The following EDIL3 variants were observed in gnomAD, a reference collection of about 807,000 sequenced individuals.
EDIL3 encodes the protein EGF like and discoidin domains 3.
EDIL3 carries 37 observed loss-of-function variants against 67.4 expected under a neutral mutation model. The observed-to-expected ratio is 0.55, with a 90% CI of 0.42 to 0.72. The LOEUF (loss-of-function observed/expected upper bound fraction) is 0.72. Ranked by LOEUF, EDIL3 falls within the 30% of genes least tolerant of loss-of-function variation. The pLI, the probability that EDIL3 is intolerant of heterozygous loss-of-function variation, is 0.00. For synonymous variants in EDIL3, 195 were observed against 196.3 expected, an observed-to-expected ratio of 0.99 and a Z score of 0.05; for missense variants, 527 against 586.3, an observed-to-expected ratio of 0.90 and a Z score of 1.04.
chr5:84,034,070 A>C (rs1745974967), intron 9 of EDIL3, among the ~76,000 whole-genome samples: 1 of 152,310 alleles, frequency 6.6e-6, no homozygotes. Flanking sequence ...TGTAATTAGA[A>C]GACCAAAATT....
chr5:84,060,625 A>G, intron 8 of EDIL3, 141 bp from the exon 9 acceptor site: 1 of 893,722 alleles, frequency 1.1e-6, no homozygotes, highest in Non-Finnish European at 1.6e-6. Context: ...TCCAAAAAAA[A>G]GCTATAATCA....
At chr5:84,379,591 T>C (rs1015905609) in intron 1 of EDIL3, among the ~76,000 whole-genome samples, 1 of 152,144 alleles carries the variant, frequency 6.6e-6, no homozygotes, top group Non-Finnish European at 1.5e-5. Flanking sequence ...AATCGTGGTA[T>C]AAATTTCATT....
At chr5:84,146,513 C>T (rs1019582187) in intron 4 of EDIL3, among the ~76,000 whole-genome samples, 17 of 152,060 alleles carry the variant, frequency 1.1e-4, no homozygotes, top group Admixed American at 8.5e-4. Flanking sequence ...TTGATAATAA[C>T]CTAATATTGG....
intron 2 of EDIL3, among the ~76,000 whole-genome samples, chr5:84,244,736 G>T (rs1220773783): frequency 6.6e-6 from 1 of 152,070 alleles, no homozygotes; most frequent in Non-Finnish European, 1.5e-5. Context: ...CTTACCCTAA[G>T]CTTTCTTTGT....
chr5:84,331,557 T>C (rs1241246525), intron 1 of EDIL3, among the ~76,000 whole-genome samples: 2 of 152,178 alleles, frequency 1.3e-5, no homozygotes, highest in Non-Finnish European at 1.5e-5. Context: ...ATGTTTGCTT[T>C]CCCTTCCATC....
At chr5:84,085,625 G>A (rs1305073612) in intron 6 of EDIL3, among the ~76,000 whole-genome samples, 4 of 152,188 alleles carry the variant, frequency 2.6e-5, no homozygotes, top group African/African-American at 9.6e-5. Flanking sequence ...CCCCTGTTGG[G>A]AGGTCTCTCC....
At chr5:84,249,381 A>T (rs751507136) in intron 2 of EDIL3, among the ~76,000 whole-genome samples, 33 of 13,590 alleles carry the variant, frequency 2.4e-3, no homozygotes, top group Non-Finnish European at 3.6e-3. Context: ...ATATCTTTCT[A>T]TCTATCTATC....
At chr5:84,317,513 C>T (rs181375071) in intron 1 of EDIL3, among the ~76,000 whole-genome samples, 6 of 152,080 alleles carry the variant, frequency 3.9e-5, no homozygotes, top group East Asian at 3.9e-4. Flanking sequence ...ATAAATTCCT[C>T]GACACATACA....
intron 9 of EDIL3, among the ~76,000 whole-genome samples, chr5:84,054,687 G>C (rs368120635): frequency 2.0e-5 from 3 of 151,908 alleles, no homozygotes; most frequent in Admixed American, 6.6e-5. Context: ...AGAGCCAAAT[G>C]ATGAGTGAAC....
chr5:84,315,512 C>A (rs1330735378), intron 1 of EDIL3, among the ~76,000 whole-genome samples: 1 of 152,066 alleles, frequency 6.6e-6, no homozygotes, highest in Non-Finnish European at 1.5e-5. Flanking sequence ...AGATTTAACA[C>A]CTCATTGATT....
At chr5:84,048,340 G>A in intron 9 of EDIL3, 1 of 344,630 alleles carries the variant, frequency 2.9e-6, no homozygotes, top group Non-Finnish European at 5.8e-6. Flanking sequence ...TTTATGTCTA[G>A]AATACTCCCT....
intron 2 of EDIL3, among the ~76,000 whole-genome samples, chr5:84,246,572 T>A (rs1419423478): frequency 1.3e-5 from 2 of 152,228 alleles, no homozygotes; most frequent in Non-Finnish European, 2.9e-5. Context: ...AATAAGGACA[T>A]ACTCCTAGAA....
chr5:83,956,711 A>G lies in EDIL3; in HGVS notation c.1293+6494T>C, dbSNP rs973333661. ...TAGTCAGGTCTCATAATATTAAATT[A>G]CAAGTAGAAAAGCAGAGAAACTTCT... On this transcript the variant is annotated intron_variant, in intron 10 of 10. Transcript: ENST00000296591. Among the ~76,000 whole-genome samples the G allele has an allele frequency of 2.6e-5, 4 of 151,836 alleles. No homozygotes were observed. In the East Asian group the frequency reaches 7.8e-4, roughly 30 times the overall value.
chr5:84,107,901 A>G (rs1448785585), intron 5 of EDIL3, among the ~76,000 whole-genome samples: 3 of 151,040 alleles, frequency 2.0e-5, no homozygotes, highest in Admixed American at 6.6e-5. Context: ...TTAACATTTC[A>G]TATACTATAC....
chr5:84,109,535 C>G (rs1362253304), intron 5 of EDIL3, among the ~76,000 whole-genome samples: 1 of 151,772 alleles, frequency 6.6e-6, no homozygotes, highest in Non-Finnish European at 1.5e-5. Flanking sequence ...AAAAGCAAAA[C>G]AAAAAACCCT....
At chr5:84,129,539 T>C (rs911317189) in intron 5 of EDIL3, among the ~76,000 whole-genome samples, 3 of 152,028 alleles carry the variant, frequency 2.0e-5, no homozygotes, top group African/African-American at 7.2e-5. Context: ...ACTGGAGTTT[T>C]GGATTAATTT....
At chr5:83,973,704 G>A (rs538098898) in intron 9 of EDIL3, among the ~76,000 whole-genome samples, 1 of 151,940 alleles carries the variant, frequency 6.6e-6, no homozygotes, top group East Asian at 1.9e-4. Flanking sequence ...ATAAAGACTG[G>A]TGTTTCCAAA....
intron 1 of EDIL3, among the ~76,000 whole-genome samples, chr5:84,294,459 G>C (rs1375531219): frequency 6.7e-6 from 1 of 148,540 alleles, no homozygotes; most frequent in African/African-American, 2.5e-5. Flanking sequence ...CAACTAGCCA[G>C]ATATACTAGA....
chr5:84,141,934 TATATATATATATACATAG>T (rs1748201871), intron 4 of EDIL3, among the ~76,000 whole-genome samples: 68 of 127,572 alleles, frequency 5.3e-4, no homozygotes, highest in African/African-American at 2.0e-3. Flanking sequence ...CACATATATA[TATATATATATATACATAG>T]ATCTATCTAT....
Sources: gnomAD v4.1 joint callset for allele counts (sites outside exome capture counted in the v4.1 genomes callset) on GRCh38, gnomAD v4.1.1 for gene constraint, MANE v1.5 for transcripts, NCBI Gene and HGNC (gene_info 2026-07-23, HGNC 2026-07-21) for gene names.